MGAT5: variants seen among roughly 807,000 people sequenced by gnomAD.
MGAT5 encodes alpha-1,6-mannosylglycoprotein 6-beta-N-acetylglucosaminyltransferase A.
MGAT5 carries 30 observed loss-of-function variants against 94.3 expected under a neutral mutation model. The ratio of observed to expected loss-of-function variants is 0.32; its 90% confidence interval spans 0.24 to 0.43. The LOEUF (loss-of-function observed/expected upper bound fraction) is 0.43, where lower values mean the gene tolerates loss of function less well. Among genes scored for constraint, MGAT5 ranks in the 20% least tolerant of loss-of-function variants. The pLI is 1.00. For missense variants in MGAT5, 691 were observed against 905.5 expected (o/e 0.76, Z 3.04); for synonymous variants, 310 against 322.9 (o/e 0.96, Z 0.43).
rs1558771692 is a variant in MGAT5, at chr2:134,300,602, C to CCAAGTCCAAGATTAT, written c.407-16927_407-16926insCAAGTCCAAGATTAT. On this transcript the variant is annotated intron_variant, in intron 2 of 15. Transcript: ENST00000281923. ...CAGTTTGTACTTAAGTCCAAGATTA[C>CCAAGTCCAAGATTAT]AATTTCCAAGATGAAGATTAAACTT... Among the ~76,000 whole-genome samples the CCAAGTCCAAGATTAT allele has an allele frequency of 3.8e-4, 58 of 152,010 alleles. 1 individual carries two copies. Among genetic ancestry groups the CCAAGTCCAAGATTAT allele is most frequent in the African/African-American group, 1.4e-3 (57 of 41,368 alleles).
chr2:134,300,634 T>C (rs1685959131), intron 2 of MGAT5, among the ~76,000 whole-genome samples: 2 of 152,120 alleles, frequency 1.3e-5, no homozygotes, highest in Non-Finnish European at 2.9e-5. Flanking sequence ...ACTTTAGTTT[T>C]ATGCACTTTT....
chr2:134,154,716 T>C (rs1687394534), intron 1 of MGAT5, among the ~76,000 whole-genome samples: 1 of 152,152 alleles, frequency 6.6e-6, no homozygotes, highest in African/African-American at 2.4e-5. Flanking sequence ...TACCAAGCCA[T>C]AGGTGGGAGT....
chr2:134,282,861 T>C (rs1257201), intron 2 of MGAT5, among the ~76,000 whole-genome samples: 148,072 of 152,226 alleles, frequency 0.97, 72,073 homozygotes, highest in East Asian at 1. Flanking sequence ...AGGCCTGGGG[T>C]TCTCCAGCTA....
In MGAT5 at chr2:134,452,852, G is replaced by A. The variant is rs1448513641; in HGVS notation, c.*4005G>A. On this transcript the variant is annotated 3_prime_UTR_variant, in exon 16 of 16. Transcript: ENST00000281923. The stretch of plus-strand genomic sequence containing the variant: ...AGCATCTTCATGTGAGTAGACGGAT[G>A]GACATAAATAGATTCATGCTCATTT... The A allele has an allele frequency of 6.6e-6, 1 of 152,208 alleles. No individual in the cohort carries two copies. The highest frequency in any genetic ancestry group is 1.5e-5 in the Non-Finnish European group (1 of 68,040). 9.4% of individuals were successfully genotyped at this position (152,208 alleles called of 1,614,324 possible). A position where few individuals can be genotyped will look rare whatever the true frequency, so the allele number is the denominator to read the frequency against.
chr2:134,438,458 A>C (rs1413366739), intron 14 of MGAT5, among the ~76,000 whole-genome samples: 1 of 152,174 alleles, frequency 6.6e-6, no homozygotes, highest in Non-Finnish European at 1.5e-5. Flanking sequence ...CAGTAACTCC[A>C]TTGATCACTG....
chr2:134,285,138 T>A (rs934450212), intron 2 of MGAT5, among the ~76,000 whole-genome samples: 31 of 152,194 alleles, frequency 2.0e-4, no homozygotes, highest in African/African-American at 6.8e-4. Flanking sequence ...ATTTAAAAAT[T>A]AAAAACACTT....
At chr2:134,184,554 T>C (rs1267555164) in intron 1 of MGAT5, among the ~76,000 whole-genome samples, 3 of 152,214 alleles carry the variant, frequency 2.0e-5, no homozygotes, top group African/African-American at 4.8e-5. Flanking sequence ...ATATGGGAGA[T>C]GTTTCTTCTG....
At chr2:134,135,681 A>G (rs1159715941) in intron 1 of MGAT5, among the ~76,000 whole-genome samples, 1 of 123,774 alleles carries the variant, frequency 8.1e-6, no homozygotes, top group African/African-American at 3.1e-5. Flanking sequence ...ACAGAGTGAG[A>G]CTCCATCTCA....
intron 2 of MGAT5, among the ~76,000 whole-genome samples, chr2:134,300,449 T>C (rs1301544579): frequency 6.6e-6 from 1 of 151,804 alleles, no homozygotes; most frequent in African/African-American, 2.4e-5. Flanking sequence ...CGGTTAACCT[T>C]AATGGAGTAA....
intron 10 of MGAT5, among the ~76,000 whole-genome samples, chr2:134,382,638 G>A (rs949879708): frequency 6.6e-6 from 1 of 152,176 alleles, no homozygotes; most frequent in Non-Finnish European, 1.5e-5. Context: ...ATTCTTGGGC[G>A]TTCCAGGATT....
intron 2 of MGAT5, among the ~76,000 whole-genome samples, chr2:134,282,473 G>C (rs565412204): frequency 6.6e-6 from 1 of 152,348 alleles, no homozygotes; most frequent in Non-Finnish European, 1.5e-5. Flanking sequence ...AGTACAAGGA[G>C]GGATGCTCTG....
intron 12 of MGAT5, among the ~76,000 whole-genome samples, chr2:134,417,483 C>T (rs1269461010): frequency 6.6e-6 from 1 of 152,126 alleles, no homozygotes; most frequent in Non-Finnish European, 1.5e-5. Context: ...CACCCATGAC[C>T]TTAACCACTT....
chr2:134,343,822 A>G (rs1381685479), intron 7 of MGAT5, among the ~76,000 whole-genome samples: 1 of 152,176 alleles, frequency 6.6e-6, no homozygotes, highest in Admixed American at 6.5e-5. Flanking sequence ...TTGTTTACGT[A>G]TCATATATAG....
At chr2:134,377,463 C>T (rs1037134469) in intron 10 of MGAT5, among the ~76,000 whole-genome samples, 1 of 152,162 alleles carries the variant, frequency 6.6e-6, no homozygotes, top group Non-Finnish European at 1.5e-5. Flanking sequence ...GCAGAGGAGG[C>T]CAGGAAAGTT....
At chr2:134,234,211 G>T (rs1681516441) in intron 1 of MGAT5, among the ~76,000 whole-genome samples, 1 of 152,156 alleles carries the variant, frequency 6.6e-6, no homozygotes, top group African/African-American at 2.4e-5. Context: ...GGGGATTGGG[G>T]GCAGGGGTTG....
chr2:134,295,922 G>T (rs1023523728), intron 2 of MGAT5, among the ~76,000 whole-genome samples: 5 of 152,134 alleles, frequency 3.3e-5, no homozygotes, highest in African/African-American at 1.2e-4. Flanking sequence ...ATTATTTGTA[G>T]TGCAACCCAA....
At position 134,373,361 on chromosome 2, in the gene MGAT5, G is replaced by A. The variant is rs112892715; in HGVS notation, c.1380+10953G>A. 5.1e-3 allele frequency among the ~76,000 whole-genome samples: 770 copies of A among 152,290 alleles called. 15 individuals carry two copies. The highest frequency in any genetic ancestry group is 0.017 in the African/African-American group (720 of 41,570). ...GCTGTTAGAAAAGCATTGCAAGATTGTTTCCCTCAAGTGAGGAAAGGGTTG... is the reference window on the plus strand; with the variant it reads ...GCTGTTAGAAAAGCATTGCAAGATTATTTCCCTCAAGTGAGGAAAGGGTTG... On this transcript the variant is annotated intron_variant, in intron 10 of 15. Transcript: ENST00000281923.
rs565647863 is a variant in MGAT5 at position 134,158,563 on chromosome 2, C to A, written c.-143+38272C>A. On this transcript the variant is annotated intron_variant, in intron 1 of 16. Transcript: ENST00000409645. The stretch of plus-strand genomic sequence containing the variant: ...AGCCTGTGGGGGCTGGGGGTGCTAA[C>A]TGGACCCCCAAGAATGCAGGGATGC... Among the ~76,000 whole-genome samples the A allele has an allele frequency of 3.9e-5, 6 of 152,302 alleles. No individual in the cohort carries two copies. The East Asian group carries it at 1.2e-3, about 29-fold the overall frequency.
At chr2:134,168,188 A>G (rs1292083033) in intron 1 of MGAT5, among the ~76,000 whole-genome samples, 2 of 152,354 alleles carry the variant, frequency 1.3e-5, no homozygotes, top group African/African-American at 4.8e-5. Context: ...CTGGTGCCAC[A>G]CACAGACTGT....
Sources: allele counts gnomAD v4.1 joint callset (sites outside exome capture counted in the v4.1 genomes callset), GRCh38; gene constraint gnomAD v4.1.1; transcripts MANE v1.5; gene names NCBI Gene and HGNC (gene_info 2026-07-23, HGNC 2026-07-21).